Variants in PCDH15 observed in about 807,000 individuals in gnomAD.
The protein encoded by PCDH15 is protocadherin-15.
A neutral mutation model predicts 178.5 loss-of-function variants in PCDH15; 129 were observed. The observed-to-expected ratio is 0.72, with a 90% CI of 0.63 to 0.84. The LOEUF (loss-of-function observed/expected upper bound fraction) is 0.84, where lower values mean the gene tolerates loss of function less well. Ranked by LOEUF, PCDH15 falls within the 40% of genes least tolerant of loss-of-function variation. The pLI is 0.00. For missense variants in PCDH15, 2,230 were observed against 2,099.9 expected (o/e 1.06, Z -1.21); for synonymous variants, 800 against 732.0 (o/e 1.09, Z -1.50).
intron 2 of PCDH15, among the ~76,000 whole-genome samples, chr10:54,906,260 C>A (rs1342872814): frequency 6.6e-6 from 1 of 152,076 alleles, no homozygotes; most frequent in African/African-American, 2.4e-5. Flanking sequence ...GTGGAGGACC[C>A]AGATGACTAT....
chr10:55,175,727 ACCT>A (rs1839467764), intron 1 of PCDH15, among the ~76,000 whole-genome samples: 1 of 151,504 alleles, frequency 6.6e-6, no homozygotes, highest in African/African-American at 2.4e-5. Context: ...AGAAAAGAAA[ACCT>A]CCTGAAAATA....
intron 10 of PCDH15, among the ~76,000 whole-genome samples, chr10:54,203,943 A>ATC (rs889542658): frequency 6.6e-6 from 1 of 152,196 alleles, no homozygotes; most frequent in African/African-American, 2.4e-5. Context: ...GGAGGGCTAA[A>ATC]TTATATATCC....
At chr10:54,489,392 C>T (rs2079381618) in intron 3 of PCDH15, among the ~76,000 whole-genome samples, 1 of 152,002 alleles carries the variant, frequency 6.6e-6, no homozygotes, top group Non-Finnish European at 1.5e-5. Flanking sequence ...AGAAAAATCA[C>T]AAATGTTTGT....
chr10:53,924,663 G>C (rs913116708), intron 25 of PCDH15, among the ~76,000 whole-genome samples: 2 of 152,240 alleles, frequency 1.3e-5, no homozygotes, highest in Admixed American at 1.3e-4. Flanking sequence ...GGGACTTGGA[G>C]AACCTTTACG....
At chr10:54,726,435 TG>T (rs1942536172) in intron 1 of PCDH15, among the ~76,000 whole-genome samples, 7 of 15,798 alleles carry the variant, frequency 4.4e-4, no homozygotes, top group Non-Finnish European at 2.9e-4. Context: ...TGTGTGTGTG[TG>T]TGTGTGTGTG....
At chr10:54,632,763 GATCT>G (rs1365738199) in intron 2 of PCDH15, among the ~76,000 whole-genome samples, 2 of 151,994 alleles carry the variant, frequency 1.3e-5, no homozygotes, top group Non-Finnish European at 2.9e-5. Context: ...TGAACACACA[GATCT>G]ATTAATCACT....
intron 2 of PCDH15, among the ~76,000 whole-genome samples, chr10:55,329,887 A>G (rs1193203109): frequency 2.0e-5 from 3 of 151,758 alleles, no homozygotes; most frequent in African/African-American, 7.2e-5. Flanking sequence ...TAAGGTGACA[A>G]ATATGTAACT....
intron 1 of PCDH15, among the ~76,000 whole-genome samples, chr10:55,260,285 G>C (rs1242284250): frequency 6.6e-6 from 1 of 151,794 alleles, no homozygotes; most frequent in Non-Finnish European, 1.5e-5. Flanking sequence ...GATTATTTCT[G>C]TTTTCTTACT....
In PCDH15 at chr10:53,995,875, C is replaced by A. The variant is rs954397027; in HGVS notation, c.2752-110G>T. 3.1e-6 allele frequency: 3 copies of A among 959,084 alleles called. 1 individual carries two copies. The highest frequency in any genetic ancestry group is 5.0e-6 in the Non-Finnish European group (3 of 605,402). 59.4% of individuals were successfully genotyped at this position (959,084 alleles called of 1,614,324 possible). A position where few individuals can be genotyped will look rare whatever the true frequency, so the allele number is the denominator to read the frequency against. On this transcript the variant is annotated intron_variant, in intron 20 of 37. Transcript: ENST00000644397. ...CACACAACTTATTTACCACTGTCAG[C>A]CTTCCATCCTCTCAATTCCATTACT...
intron 8 of PCDH15, among the ~76,000 whole-genome samples, chr10:54,271,591 C>G (rs185638903): frequency 7.6e-4 from 116 of 152,224 alleles, no homozygotes; most frequent in African/African-American, 2.7e-3. Flanking sequence ...TTTCCATAGG[C>G]ACAAGATTTT....
intron 3 of PCDH15, among the ~76,000 whole-genome samples, chr10:54,383,108 A>G (rs1949436424): frequency 6.6e-6 from 1 of 152,156 alleles, no homozygotes. Context: ...TATAGATTTG[A>G]GCATATAAAG....
chr10:54,885,087 C>A (rs568695441), intron 3 of PCDH15, among the ~76,000 whole-genome samples: 5 of 151,998 alleles, frequency 3.3e-5, no homozygotes, highest in Admixed American at 6.6e-5. Flanking sequence ...TAACTCACAG[C>A]TTTATTCCCA....
At chr10:55,593,897 T>C (rs1215687594) in intron 2 of PCDH15, among the ~76,000 whole-genome samples, 2 of 152,002 alleles carry the variant, frequency 1.3e-5, no homozygotes, top group Non-Finnish European at 2.9e-5. Flanking sequence ...TTGGGGATTA[T>C]TACCATCATA....
chr10:54,346,266 G>A (rs1439072954), intron 6 of PCDH15, 99 bp downstream of exon 6: 3 of 1,149,826 alleles, frequency 2.6e-6, no homozygotes, highest in South Asian at 2.6e-5. Flanking sequence ...TACTAATCTG[G>A]TTCTGGAAGT....
chr10:54,295,399 C>A (rs544676862), intron 8 of PCDH15, among the ~76,000 whole-genome samples: 14 of 152,332 alleles, frequency 9.2e-5, no homozygotes, highest in Admixed American at 8.5e-4. Flanking sequence ...CCAGAGCCAG[C>A]AGCGTCAACC....
intron 2 of PCDH15, among the ~76,000 whole-genome samples, chr10:54,581,495 T>C (rs1256814582): frequency 6.6e-6 from 1 of 152,100 alleles, no homozygotes; most frequent in African/African-American, 2.4e-5. Flanking sequence ...TTACTCATGG[T>C]CATACTGCCC....
At chr10:55,246,227 A>AT (rs1376007800) in intron 1 of PCDH15, among the ~76,000 whole-genome samples, 2 of 152,136 alleles carry the variant, frequency 1.3e-5, no homozygotes, top group East Asian at 1.9e-4. Context: ...CTAATTGAAG[A>AT]TTTTTTTGCA....
At chr10:54,171,957 C>T (rs1316316007) in intron 13 of PCDH15, among the ~76,000 whole-genome samples, 3 of 150,992 alleles carry the variant, frequency 2.0e-5, no homozygotes, top group Admixed American at 2.0e-4. Flanking sequence ...TGAGAAACAT[C>T]GCCCATTCTC....
chr10:54,598,184 G>T (rs1051853411), intron 2 of PCDH15, among the ~76,000 whole-genome samples: 1 of 151,884 alleles, frequency 6.6e-6, no homozygotes, highest in Non-Finnish European at 1.5e-5. Flanking sequence ...ACAAAAAAGA[G>T]AACTTTAGGC....
Sources: gnomAD v4.1 joint callset for allele counts (sites outside exome capture counted in the v4.1 genomes callset) on GRCh38, gnomAD v4.1.1 for gene constraint, MANE v1.5 for transcripts, NCBI Gene and HGNC (gene_info 2026-07-23, HGNC 2026-07-21) for gene names.